Variants in TMC2 observed in about 807,000 individuals in gnomAD.
TMC2 encodes transmembrane channel like 2.
Under a neutral mutation model 105.9 loss-of-function variants are expected in TMC2, and 102 were observed. The ratio of observed to expected loss-of-function variants is 0.96; its 90% CI spans 0.82 to 1.14. The LOEUF (loss-of-function observed/expected upper bound fraction) is 1.14. TMC2 is among the 50% of genes most tolerant of loss of function. The pLI is 0.00. For missense variants in TMC2, 1,093 were observed against 1,134.3 expected (o/e 0.96, Z 0.52); for synonymous variants, 402 against 422.8 (o/e 0.95, Z 0.60).
At chr20:2,590,695 G>A (rs1438018374) in intron 7 of TMC2, among the ~76,000 whole-genome samples, 4 of 151,604 alleles carry the variant, frequency 2.6e-5, no homozygotes, top group Admixed American at 6.6e-5. Context: ...TATACACTTC[G>A]TACAAAAAAA....
chr20:2,605,002 T>C (rs1453963254), intron 11 of TMC2, among the ~76,000 whole-genome samples: 1 of 152,208 alleles, frequency 6.6e-6, no homozygotes, highest in African/African-American at 2.4e-5. Context: ...AATCTCTGCT[T>C]TATAGCCAAA....
At chr20:2,628,605 T>C (rs957766991) in intron 17 of TMC2, among the ~76,000 whole-genome samples, 3 of 152,122 alleles carry the variant, frequency 2.0e-5, no homozygotes, top group African/African-American at 7.2e-5. Flanking sequence ...TCTCACAAGA[T>C]CTGATGGTTT....
chr20:2,627,131 A>G (rs1311618277), intron 17 of TMC2, among the ~76,000 whole-genome samples: 1 of 152,168 alleles, frequency 6.6e-6, no homozygotes, highest in African/African-American at 2.4e-5. Context: ...CAGCTTGCCA[A>G]CATCCTGCAT....
At chr20:2,582,264 T>C (rs1433133767) in intron 7 of TMC2, among the ~76,000 whole-genome samples, 1 of 152,124 alleles carries the variant, frequency 6.6e-6, no homozygotes, top group Non-Finnish European at 1.5e-5. Flanking sequence ...CATATGGGAA[T>C]CAGACACATC....
chr20:2,539,062 G>A (rs1202031323), intron 2 of TMC2, among the ~76,000 whole-genome samples: 1 of 152,224 alleles, frequency 6.6e-6, no homozygotes, highest in East Asian at 1.9e-4. Flanking sequence ...TCACGGGACT[G>A]GAGGGCTGCC....
At chr20:2,596,726 T>A (rs6050489) in intron 9 of TMC2, among the ~76,000 whole-genome samples, 3,764 of 150,534 alleles carry the variant, frequency 0.025, 148 homozygotes, top group African/African-American at 0.085. Flanking sequence ...TATGTGTGTG[T>A]GTGTGTGTGT....
chr20:2,556,201 G>T (rs2085984232), intron 2 of TMC2, among the ~76,000 whole-genome samples: 1 of 152,018 alleles, frequency 6.6e-6, no homozygotes, highest in Non-Finnish European at 1.5e-5. Context: ...TGATTCTCCT[G>T]CCTCAGCCTT....
At position 2,601,006 on chromosome 20, in the gene TMC2, GA is replaced by G. The variant is rs1368382505; in HGVS notation, c.1225-1099del. Reference sequence around the variant, plus strand: ...TCTCAGAAAAAAAAAAAAAAAAAAAGAAAAAAAAGTTTAAGTTCTATTAATA... The same window carrying G: ...TCTCAGAAAAAAAAAAAAAAAAAAAGAAAAAAAGTTTAAGTTCTATTAATA... On this transcript the variant is annotated intron_variant, in intron 10 of 19. Coordinates refer to ENST00000358864, the MANE Select transcript of TMC2 (RefSeq NM_080751.3). 4.1e-4 allele frequency among the ~76,000 whole-genome samples: 49 copies of G among 119,724 alleles called. No homozygotes were observed. In the South Asian group the frequency reaches 8.6e-3, roughly 21 times the overall value. The allele number at this position is 119,724 out of a possible 152,430, so 78.5% of individuals were successfully genotyped here.
chr20:2,635,170 A>T (rs910274), intron 17 of TMC2, among the ~76,000 whole-genome samples: 115,214 of 152,062 alleles, frequency 0.76, 43,777 homozygotes, highest in East Asian at 0.87. Context: ...AGACCTTAGG[A>T]CCTGTGAAAA....
chr20:2,572,931 T>C (rs747084983), intron 5 of TMC2, among the ~76,000 whole-genome samples: 2 of 151,918 alleles, frequency 1.3e-5, no homozygotes, highest in African/African-American at 2.4e-5. Flanking sequence ...TTTGTTTGTT[T>C]GTTTTTAGAA....
rs549296746 is a variant in TMC2, at chr20:2,604,112, A to G, written c.1413+1811A>G. Among the ~76,000 whole-genome samples, 240 of 152,332 alleles carry G rather than the reference A, an allele frequency of 1.6e-3. 5 individuals carry two copies. The highest frequency in any genetic ancestry group is 5.4e-3 in the African/African-American group (226 of 41,574). ...AGTCATTCAGGCACTGGCCAGCAGA[A>G]GTGGGCATCGCTGTTTCTCTCTTGC... On this transcript the variant is annotated intron_variant, in intron 11 of 19. Transcript: ENST00000358864.
intron 2 of TMC2, among the ~76,000 whole-genome samples, chr20:2,539,426 G>T (rs953476482): frequency 1.3e-5 from 2 of 152,206 alleles, no homozygotes; most frequent in Non-Finnish European, 2.9e-5. Flanking sequence ...TATCTACAGT[G>T]CTGGGAAGTA....
At chr20:2,548,314 T>C (rs567029925) in intron 2 of TMC2, among the ~76,000 whole-genome samples, 2 of 152,382 alleles carry the variant, frequency 1.3e-5, no homozygotes, top group African/African-American at 4.8e-5. Context: ...AAATTATGTT[T>C]AGTAATCAAT....
In TMC2 at chr20:2,597,179, G is replaced by A. The variant is rs757807518; in HGVS notation, c.1105G>A (p.Gly369Ser). The part of the protein sequence containing the change: ...SMASNTQGST[G>S]EGESDNFTFS... ...GGCCAGCAATACCCAAGGAAGCACA[G>A]GCGAAGGGGAGAGTGACAACTTCAC... The change falls in exon 10 of 20, where the codon GGC (glycine) becomes AGC (serine). Residue 369 changes from glycine (G) to serine (S), a missense_variant. Gly to Ser is a moderately conservative substitution (Grantham distance 56). Coordinates refer to ENST00000358864, the MANE Select transcript of TMC2 (RefSeq NM_080751.3). 1 of 1,614,174 alleles carries A rather than the reference G, an allele frequency of 6.2e-7. No homozygotes were observed. Among genetic ancestry groups the A allele is most frequent in the Non-Finnish European group, 8.5e-7 (1 of 1,180,010 alleles).
intron 7 of TMC2, among the ~76,000 whole-genome samples, chr20:2,590,459 T>TC (rs1169100112): frequency 6.6e-6 from 1 of 151,472 alleles, no homozygotes; most frequent in African/African-American, 2.4e-5. Flanking sequence ...TATAACATAT[T>TC]CCCCAATAAG....
intron 17 of TMC2, among the ~76,000 whole-genome samples, chr20:2,631,174 A>T (rs1325141675): frequency 6.6e-6 from 1 of 152,168 alleles, no homozygotes; most frequent in Non-Finnish European, 1.5e-5. Context: ...ACTTAATTAT[A>T]ATAGTATACA....
chr20:2,614,093 G>A (rs1461967184), intron 14 of TMC2: 1 of 152,002 alleles, frequency 6.6e-6, no homozygotes, highest in Admixed American at 6.6e-5. Flanking sequence ...AAACAAGTCT[G>A]CTGAGCTCCT....
chr20:2,570,462 G>T (rs2122853489), intron 4 of TMC2, among the ~76,000 whole-genome samples: 1 of 151,958 alleles, frequency 6.6e-6, no homozygotes, highest in Admixed American at 6.6e-5. Flanking sequence ...GGAGGTGAAA[G>T]ATCTCTACAA....
At chr20:2,609,539 T>C (rs2086419548) in intron 11 of TMC2, among the ~76,000 whole-genome samples, 1 of 152,154 alleles carries the variant, frequency 6.6e-6, no homozygotes, top group Admixed American at 6.5e-5. Context: ...TAGGCAGGAA[T>C]ACCGTGATCA....
Sources: allele counts gnomAD v4.1 joint callset (sites outside exome capture counted in the v4.1 genomes callset), GRCh38; gene constraint gnomAD v4.1.1; transcripts MANE v1.5; gene names NCBI Gene and HGNC (gene_info 2026-07-23, HGNC 2026-07-21).